Variants in SMPDL3A observed in about 807,000 individuals in gnomAD.
The protein encoded by SMPDL3A is cyclic GMP-AMP phosphodiesterase SMPDL3A.
SMPDL3A carries 39 observed loss-of-function variants against 38.5 expected under a neutral mutation model. That is an observed-to-expected ratio of 1.01 (90% CI 0.78 to 1.32). The LOEUF (loss-of-function observed/expected upper bound fraction) is 1.32, where lower values mean the gene tolerates loss of function less well. Ranked by LOEUF, SMPDL3A falls within the 40% of genes most tolerant of loss-of-function variation. SMPDL3A has a pLI of 0.00. For synonymous variants in SMPDL3A, 180 were observed against 194.3 expected, an observed-to-expected ratio of 0.93 and a Z score of 0.61; for missense variants, 502 against 536.2, an observed-to-expected ratio of 0.94 and a Z score of 0.63.
At chr6:122,789,858 C>T in intron 1 of SMPDL3A, 1 of 985,392 alleles carries the variant, frequency 1.0e-6, no homozygotes. Flanking sequence ...CAAGAGGCCC[C>T]TAATCGGTCC....
chr6:122,802,393 G>C (rs903844365), intron 4 of SMPDL3A, among the ~76,000 whole-genome samples: 4 of 151,818 alleles, frequency 2.6e-5, no homozygotes, highest in South Asian at 2.1e-4. Context: ...GTAGAGATAG[G>C]GTTTCACTAT....
intron 3 of SMPDL3A, among the ~76,000 whole-genome samples, chr6:122,800,734 T>TTTGTTTG (rs1022416523): frequency 7.0e-6 from 1 of 143,266 alleles, no homozygotes; most frequent in African/African-American, 2.7e-5. Flanking sequence ...GCTACACCTT[T>TTTGTTTG]TTTGTTTGTT....
chr6:122,796,958 A>C lies in SMPDL3A; in HGVS notation c.461A>C (p.Tyr154Ser), dbSNP rs754468150. The C allele has an allele frequency of 6.2e-7, 1 of 1,611,798 alleles. No homozygotes were observed. The highest frequency in any genetic ancestry group is 2.2e-5 in the East Asian group (1 of 44,856). ...QVFPALGNHDYWPQDQLPVVT... is the reference protein window; with the variant it reads ...QVFPALGNHDSWPQDQLPVVT... ...TTCCCTGCGCTGGGTAATCATGACT[A>C]TTGGCCACAGGTAAATTTGATAGAC... The change falls in exon 3 of 8, where the codon TAT (tyrosine) becomes TCT (serine). Residue 154 changes from tyrosine to serine, a missense_variant. Tyr to Ser is a moderately radical substitution (Grantham distance 144). Coordinates refer to ENST00000368440, the MANE Select transcript of SMPDL3A (RefSeq NM_006714.5).
rs771778256 is a variant in SMPDL3A at position 122,803,758 on chromosome 6, G to C, written c.663G>C (p.Leu221=). The C allele has an allele frequency of 5.0e-6, 8 of 1,613,890 alleles. No homozygotes were observed. The East Asian group carries it at 1.8e-4, about 36-fold the overall frequency. Residue 221 remains leucine, a synonymous_variant, in exon 5 of 8, where the codon CTG becomes CTC. Coordinates refer to ENST00000368440, the MANE Select transcript of SMPDL3A (RefSeq NM_006714.5). ...NLYYGPNIMT[L]NKTDPANQFE... is the part of the protein sequence containing the mutation. Reference sequence around the variant, plus strand: ...ACTACGGCCCAAATATAATGACACTGAACAAGACTGACCCAGCCAACCAGT... The same window carrying C: ...ACTACGGCCCAAATATAATGACACTCAACAAGACTGACCCAGCCAACCAGT...
chr6:122,808,585 GCCTCCCTTCCTC>G (rs1255073722), intron 7 of SMPDL3A, among the ~76,000 whole-genome samples: 2 of 137,798 alleles, frequency 1.5e-5, no homozygotes, highest in African/African-American at 3.0e-5. Flanking sequence ...TTTTTATTGA[GCCTCCCTTCCTC>G]CCTCCCTCCC....
intron 3 of SMPDL3A, among the ~76,000 whole-genome samples, chr6:122,800,485 T>C (rs984813011): frequency 1.9e-4 from 29 of 152,198 alleles, no homozygotes; most frequent in African/African-American, 6.8e-4. Context: ...AAACCTGCCT[T>C]TGGCATCTCT....
At chr6:122,789,570 G>T (rs989839034) in intron 1 of SMPDL3A, 112 bp downstream of exon 1, 2 of 1,034,284 alleles carry the variant, frequency 1.9e-6, no homozygotes, top group Non-Finnish European at 2.9e-6. Context: ...AGAGGCTCGG[G>T]CTAGCGGGGC....
intron 1 of SMPDL3A, among the ~76,000 whole-genome samples, chr6:122,790,269 T>A (rs760140439): frequency 6.6e-6 from 1 of 152,150 alleles, no homozygotes; most frequent in African/African-American, 2.4e-5. Flanking sequence ...CAGTATGCTG[T>A]TTAACCCACC....
chr6:122,792,638 C>CCTT (rs1554246009), intron 1 of SMPDL3A, among the ~76,000 whole-genome samples: 1 of 140,796 alleles, frequency 7.1e-6, no homozygotes, highest in Non-Finnish European at 1.5e-5. Context: ...TCTTCTTCCC[C>CCTT]TTTTTTTTTT....
intron 7 of SMPDL3A, among the ~76,000 whole-genome samples, chr6:122,807,128 T>G (rs1356457895): frequency 2.0e-5 from 3 of 151,872 alleles, no homozygotes; most frequent in African/African-American, 4.8e-5. Context: ...CTTGAACTCT[T>G]GGGCTCAAGT....
chr6:122,789,484 C>T (rs1780988791), intron 1 of SMPDL3A, 26 bp downstream of exon 1: 2 of 1,524,880 alleles, frequency 1.3e-6, no homozygotes, highest in Non-Finnish European at 8.9e-7. Flanking sequence ...CCCTTCTCTT[C>T]CCAGCCGGCA....
At chr6:122,807,575 C>T (rs183500121) in intron 7 of SMPDL3A, among the ~76,000 whole-genome samples, 24 of 152,298 alleles carry the variant, frequency 1.6e-4, no homozygotes, top group Admixed American at 3.3e-4. Context: ...CTTCATGGCT[C>T]CTTGCTTTAG....
At chr6:122,808,658 CTCCCTCCCT>C (rs756077082) in intron 7 of SMPDL3A, among the ~76,000 whole-genome samples, 19,163 of 109,558 alleles carry the variant, frequency 0.17, 1,668 homozygotes, top group South Asian at 0.29. Flanking sequence ...CTCCTCCCCC[CTCCCTCCCT>C]CTCCTTCTTT....
At chr6:122,793,967 G>C (rs1184305104) in intron 1 of SMPDL3A, among the ~76,000 whole-genome samples, 1 of 151,266 alleles carries the variant, frequency 6.6e-6, no homozygotes, top group African/African-American at 2.4e-5. Context: ...AAACCCAAAA[G>C]TGTGGAAAAA....
rs145198779 is a variant in SMPDL3A at position 122,795,842 on chromosome 6, A to T, written c.278A>T (p.Asp93Val). 1 of 1,614,112 alleles carries T rather than the reference A, an allele frequency of 6.2e-7. No individual in the cohort carries two copies. Residue 93 changes from aspartate to valine, a missense_variant, in exon 2 of 8, where the codon GAT becomes GTT. Asp to Val is a radical substitution (Grantham distance 152). Coordinates refer to ENST00000368440, the MANE Select transcript of SMPDL3A (RefSeq NM_006714.5). The part of the protein sequence containing the change: ...SPYQLILSAF[D>V]FIKNSGQEAS... Reference sequence around the variant, plus strand: ...TATCAACTTATTTTGTCAGCATTTGATTTTATTAAAAATTCTGGACAAGAA... The same window carrying T: ...TATCAACTTATTTTGTCAGCATTTGTTTTTATTAAAAATTCTGGACAAGAA...
At chr6:122,789,953 C>T (rs891218292) in intron 1 of SMPDL3A, 12 of 862,590 alleles carry the variant, frequency 1.4e-5, no homozygotes, top group Non-Finnish European at 1.5e-5. Flanking sequence ...CTTGCTCGAC[C>T]GAGATCAGTG....
At chr6:122,805,589 C>T (rs1315728135) in intron 6 of SMPDL3A, among the ~76,000 whole-genome samples, 2 of 152,140 alleles carry the variant, frequency 1.3e-5, no homozygotes, top group Admixed American at 1.3e-4. Flanking sequence ...CCTATGTACT[C>T]AACACTCACA....
chr6:122,793,208 T>A (rs1323643140), intron 1 of SMPDL3A, among the ~76,000 whole-genome samples: 1 of 152,200 alleles, frequency 6.6e-6, no homozygotes, highest in Non-Finnish European at 1.5e-5. Context: ...GTTAAAAAAA[T>A]AACAGTAAAA....
chr6:122,796,806 ATCTC>A lies in SMPDL3A; in HGVS notation c.327-12_327-9del, dbSNP rs542679271. The A allele has an allele frequency of 1.8e-3, 2,864 of 1,607,218 alleles. 6 individuals are homozygous for A. The highest frequency in any genetic ancestry group is 2.3e-3 in the Non-Finnish European group (2,672 of 1,176,610). On this transcript the variant is annotated splice_polypyrimidine_tract_variant and intron_variant, in intron 2 of 7. Transcript: ENST00000368440. ...TATGAAACTGATTTTGTTCTTTACAATCTCTCTCTTTTTTCAGGGATAGCCCACC... is the reference window on the plus strand; with the variant it reads ...TATGAAACTGATTTTGTTCTTTACAATCTCTTTTTTCAGGGATAGCCCACC...
Sources: allele counts gnomAD v4.1 joint callset (sites outside exome capture counted in the v4.1 genomes callset), GRCh38; gene constraint gnomAD v4.1.1; transcripts MANE v1.5; gene names NCBI Gene and HGNC (gene_info 2026-07-23, HGNC 2026-07-21).